Variants in FAM186A observed in about 807,000 individuals in gnomAD.
FAM186A encodes the protein protein FAM186A.
A neutral mutation model predicts 216.8 loss-of-function variants in FAM186A; 163 were observed. That is an observed-to-expected ratio of 0.75 (90% confidence interval 0.66 to 0.86). FAM186A has a LOEUF of 0.86. Among genes scored for constraint, FAM186A ranks in the 40% least tolerant of loss-of-function variants. FAM186A has a pLI of 0.00. For synonymous variants in FAM186A, 805 were observed against 1,025.3 expected (o/e 0.79, Z 4.10); for missense variants, 2,184 against 2,746.2 (o/e 0.80, Z 4.58).
chr12:50,351,465 A>G lies in FAM186A; in HGVS notation c.5367T>C (p.Leu1789=). The change falls in exon 4 of 8, where the codon CTT becomes CTC. Residue 1789 remains leucine, a synonymous_variant. Coordinates refer to ENST00000327337, the MANE Select transcript of FAM186A (RefSeq NM_001145475.3). ...EMGILSEPGK[L]GAPQTLRSSG... is the part of the protein sequence containing the mutation. ...AGGAACGAAGAGTCTGTGGTGCCCC[A>G]AGCTTCCCAGGCTCAGAAAGAATCC... 1 of 1,477,868 alleles carries G rather than the reference A, an allele frequency of 6.8e-7. No individual in the cohort carries two copies. The highest frequency in any genetic ancestry group is 1.4e-5 in the South Asian group (1 of 69,550). 91.5% of individuals were successfully genotyped at this position (1,477,868 alleles called of 1,614,324 possible).
At chr12:50,380,521 CAAAAAAAAAA>C (rs60955395) in intron 1 of FAM186A, among the ~76,000 whole-genome samples, 13 of 76,442 alleles carry the variant, frequency 1.7e-4, no homozygotes, top group Admixed American at 1.6e-4. Context: ...ACTAAAAATA[CAAAAAAAAAA>C]AAAAAAAAAA....
chr12:50,360,383 A>G (rs1197715492), intron 3 of FAM186A, among the ~76,000 whole-genome samples: 1 of 148,442 alleles, frequency 6.7e-6, no homozygotes, highest in Admixed American at 6.7e-5. Context: ...TTATACCTCA[A>G]TAAAGCTGTT....
chr12:50,327,503 A>T, intron 7 of FAM186A, 99 bp from the exon 8 acceptor site: 1 of 822,914 alleles, frequency 1.2e-6, no homozygotes, highest in Non-Finnish European at 1.9e-6. Context: ...TGCCTCCAGA[A>T]CTCAAAAAGA....
chr12:50,380,881 G>A (rs1237783471), intron 1 of FAM186A, among the ~76,000 whole-genome samples: 1 of 152,208 alleles, frequency 6.6e-6, no homozygotes, highest in Admixed American at 6.5e-5. Context: ...GGTGAGCCAG[G>A]CATGGAGTGG....
At chr12:50,377,602 G>A (rs1943210003) in intron 1 of FAM186A, among the ~76,000 whole-genome samples, 1 of 152,120 alleles carries the variant, frequency 6.6e-6, no homozygotes, top group Admixed American at 6.6e-5. Context: ...GGAGGCCGAG[G>A]CAGGTGGATC....
chr12:50,368,309 G>A (rs1036393282), intron 1 of FAM186A, among the ~76,000 whole-genome samples: 2 of 151,666 alleles, frequency 1.3e-5, no homozygotes. Context: ...GCTGAGGCAG[G>A]AGAATTTCTT....
intron 1 of FAM186A, among the ~76,000 whole-genome samples, chr12:50,372,290 T>C (rs1943148887): frequency 6.6e-6 from 1 of 151,770 alleles, no homozygotes. Context: ...TAATACATAG[T>C]ATGGTGGTTA....
chr12:50,347,804 A>G (rs1221677686), intron 4 of FAM186A, among the ~76,000 whole-genome samples: 1 of 152,178 alleles, frequency 6.6e-6, no homozygotes, highest in African/African-American at 2.4e-5. Context: ...AATCAGGACC[A>G]GGACCTGCTG....
At chr12:50,394,085 A>C (rs552827202) in intron 1 of FAM186A, among the ~76,000 whole-genome samples, 2 of 151,928 alleles carry the variant, frequency 1.3e-5, no homozygotes, top group East Asian at 2.0e-4. Context: ...CACCCGGCTA[A>C]TTTTTTGTAT....
intron 1 of FAM186A, among the ~76,000 whole-genome samples, chr12:50,388,717 C>G (rs1943328741): frequency 2.0e-5 from 3 of 152,028 alleles, no homozygotes; most frequent in Admixed American, 2.0e-4. Flanking sequence ...CAGACCTCAC[C>G]TAGGAAGGGG....
intron 1 of FAM186A, among the ~76,000 whole-genome samples, chr12:50,387,677 G>T (rs182341112): frequency 6.6e-6 from 1 of 152,248 alleles, no homozygotes; most frequent in African/African-American, 2.4e-5. Context: ...CTATGCAAAT[G>T]AACTCTCCTT....
chr12:50,337,048 A>T (rs1942715645), intron 4 of FAM186A, among the ~76,000 whole-genome samples: 1 of 151,644 alleles, frequency 6.6e-6, no homozygotes, highest in Non-Finnish European at 1.5e-5. Flanking sequence ...AACCTACTAT[A>T]TATATGGATC....
intron 1 of FAM186A, among the ~76,000 whole-genome samples, chr12:50,375,954 AG>A (rs1943193899): frequency 1.3e-5 from 2 of 152,048 alleles, no homozygotes; most frequent in East Asian, 3.9e-4. Context: ...TGGAGCACCG[AG>A]GGGTGTGTGA....
chr12:50,330,451 C>T lies in FAM186A; in HGVS notation c.7034+122G>A. 1.0e-5 allele frequency: 10 copies of T among 976,244 alleles called. No homozygotes were observed. In the South Asian group the frequency reaches 1.6e-4, roughly 16 times the overall value. The allele number at this position is 976,244 out of a possible 1,614,324, so 60.5% of individuals were successfully genotyped here. On this transcript the variant is annotated intron_variant, in intron 7 of 7. Coordinates refer to ENST00000327337, the MANE Select transcript of FAM186A (RefSeq NM_001145475.3). ...TATTTTATGACTGGTGTGAGTCTAA[C>T]CTCATACCAAACATTACTTTTGGTT...
rs959458123 is a variant in FAM186A, at chr12:50,354,979, G to A, written c.1853C>T (p.Thr618Ile). 3.2e-6 allele frequency: 5 copies of A among 1,550,038 alleles called. No individual in the cohort carries two copies. In the East Asian group the frequency reaches 9.8e-5, roughly 30 times the overall value. The stretch of plus-strand genomic sequence containing the variant: ...CTCTTCAGTTTTTTCTTCTTTGCTT[G>A]TGATAGTTCCTGAAGAGATATGGTG... ...KKHHISSGTI[T>I]SKEEKTEEKE... is the part of the protein sequence containing the mutation. Residue 618 changes from threonine to isoleucine, a missense_variant, in exon 4 of 8, where the codon ACA becomes ATA. Transcript: ENST00000327337.
At chr12:50,369,026 A>G (rs1943116732) in intron 1 of FAM186A, among the ~76,000 whole-genome samples, 1 of 151,986 alleles carries the variant, frequency 6.6e-6, no homozygotes, top group Non-Finnish European at 1.5e-5. Flanking sequence ...ACATGAAAGA[A>G]TGAAGTTGGA....
intron 1 of FAM186A, among the ~76,000 whole-genome samples, chr12:50,383,984 G>T (rs1943278754): frequency 1.3e-5 from 2 of 152,012 alleles, no homozygotes; most frequent in African/African-American, 4.8e-5. Context: ...CAGGCATGGT[G>T]GCACATGCCT....
At position 50,351,468 on chromosome 12, in the gene FAM186A, CT is replaced by C; in HGVS notation, c.5363del (p.Lys1788SerfsTer52). 1 of 1,478,558 alleles carries C rather than the reference CT, an allele frequency of 6.8e-7. No homozygotes were observed. The highest frequency in any genetic ancestry group is 9.0e-7 in the Non-Finnish European group (1 of 1,116,934). 91.6% of individuals were successfully genotyped at this position (1,478,558 alleles called of 1,614,324 possible). ...LEMGILSEPG[K>X]LGAPQTLRSS... is the part of the protein sequence containing the mutation. The stretch of plus-strand genomic sequence containing the variant: ...AACGAAGAGTCTGTGGTGCCCCAAG[CT>C]TCCCAGGCTCAGAAAGAATCCCCAT... On this transcript the variant is annotated frameshift_variant, in exon 4 of 8. Coordinates refer to ENST00000327337, the MANE Select transcript of FAM186A (RefSeq NM_001145475.3). LOFTEE classifies it high-confidence loss of function.
At chr12:50,383,934 A>G (rs1360575631) in intron 1 of FAM186A, among the ~76,000 whole-genome samples, 4 of 152,094 alleles carry the variant, frequency 2.6e-5, no homozygotes, top group South Asian at 2.1e-4. Flanking sequence ...CCTGGCTAAC[A>G]TGGTGAGACC....
Sources: gnomAD v4.1 joint callset for allele counts (sites outside exome capture counted in the v4.1 genomes callset) on GRCh38, gnomAD v4.1.1 for gene constraint, MANE v1.5 for transcripts, NCBI Gene and HGNC (gene_info 2026-07-23, HGNC 2026-07-21) for gene names.